Variants in CAMK1D observed in about 807,000 individuals in gnomAD.
CAMK1D encodes calcium/calmodulin dependent protein kinase ID.
CAMK1D carries 9 observed loss-of-function variants against 47.7 expected under a neutral mutation model. That is an observed-to-expected ratio of 0.19 (90% CI 0.11 to 0.33). The LOEUF (loss-of-function observed/expected upper bound fraction) is 0.33. Ranked by LOEUF, CAMK1D falls within the 10% of genes least tolerant of loss-of-function variation. The pLI is 1.00. For synonymous variants in CAMK1D, 184 were observed against 184.9 expected, an observed-to-expected ratio of 0.99 and a Z score of 0.04; for missense variants, 291 against 488.7, an observed-to-expected ratio of 0.60 and a Z score of 3.81.
chr10:12,648,393 G>A (rs923252262), intron 2 of CAMK1D, among the ~76,000 whole-genome samples: 1 of 152,200 alleles, frequency 6.6e-6, no homozygotes, highest in Non-Finnish European at 1.5e-5. Flanking sequence ...TCAGTGCTCC[G>A]CAGGGATATT....
chr10:12,610,514 C>G (rs181616154), intron 2 of CAMK1D, among the ~76,000 whole-genome samples: 1 of 152,106 alleles, frequency 6.6e-6, no homozygotes, highest in Non-Finnish European at 1.5e-5. Context: ...TCCACTTTGC[C>G]CAGCAGTAAG....
At chr10:12,802,648 G>A (rs1265325847) in intron 6 of CAMK1D, among the ~76,000 whole-genome samples, 1 of 152,120 alleles carries the variant, frequency 6.6e-6, no homozygotes, top group Non-Finnish European at 1.5e-5. Flanking sequence ...AGCCTCCCGA[G>A]TAGCTGAGAT....
intron 3 of CAMK1D, among the ~76,000 whole-genome samples, chr10:12,684,497 A>T (rs946148701): frequency 6.8e-6 from 1 of 147,866 alleles, no homozygotes; most frequent in African/African-American, 2.7e-5. Context: ...AACTAATTTA[A>T]AAAAAAATGT....
intron 2 of CAMK1D, among the ~76,000 whole-genome samples, chr10:12,663,351 G>C (rs954041118): frequency 3.3e-5 from 5 of 152,202 alleles, no homozygotes; most frequent in African/African-American, 1.2e-4. Flanking sequence ...CTGGACAAAT[G>C]AGTGATGATA....
At chr10:12,426,719 T>G (rs1840246246) in intron 1 of CAMK1D, among the ~76,000 whole-genome samples, 1 of 151,760 alleles carries the variant, frequency 6.6e-6, no homozygotes, top group Non-Finnish European at 1.5e-5. Flanking sequence ...CAGCTAATTT[T>G]TGTTGTTGTT....
At chr10:12,686,645 T>C (rs928508829) in intron 3 of CAMK1D, among the ~76,000 whole-genome samples, 1 of 152,134 alleles carries the variant, frequency 6.6e-6, no homozygotes, top group African/African-American at 2.4e-5. Context: ...TATTTATGGC[T>C]TAAAACAGAG....
intron 3 of CAMK1D, among the ~76,000 whole-genome samples, chr10:12,736,198 C>G (rs1324520665): frequency 1.3e-5 from 2 of 152,210 alleles, no homozygotes; most frequent in African/African-American, 4.8e-5. Context: ...GAAGACCATG[C>G]TCACTTGCCT....
intron 1 of CAMK1D, among the ~76,000 whole-genome samples, chr10:12,526,854 G>A (rs372254626): frequency 7.3e-4 from 109 of 148,850 alleles, no homozygotes; most frequent in African/African-American, 2.5e-3. Context: ...GGAGGTTGAG[G>A]CTGCAGTGAG....
chr10:12,688,761 C>T (rs1275714596), intron 3 of CAMK1D, among the ~76,000 whole-genome samples: 3 of 152,102 alleles, frequency 2.0e-5, no homozygotes, highest in Non-Finnish European at 2.9e-5. Flanking sequence ...CTCAGCTCAT[C>T]GCAACCTCTG....
intron 2 of CAMK1D, among the ~76,000 whole-genome samples, chr10:12,635,174 C>T (rs186031923): frequency 4.6e-5 from 7 of 151,986 alleles, no homozygotes; most frequent in African/African-American, 1.4e-4. Context: ...TTTGGGGGCT[C>T]GGGAGGCCTT....
intron 4 of CAMK1D, among the ~76,000 whole-genome samples, chr10:12,762,856 T>G (rs1018702298): frequency 2.0e-5 from 3 of 152,222 alleles, no homozygotes; most frequent in Admixed American, 2.0e-4. Flanking sequence ...CTCTGCTCTC[T>G]TGTGCCCCCA....
At chr10:12,512,377 A>G (rs1835065304) in intron 1 of CAMK1D, among the ~76,000 whole-genome samples, 2 of 152,170 alleles carry the variant, frequency 1.3e-5, no homozygotes, top group African/African-American at 4.8e-5. Context: ...CATCACCAGC[A>G]AAAACCTGCT....
chr10:12,542,049 A>AT (rs926399760), intron 1 of CAMK1D, among the ~76,000 whole-genome samples: 44 of 150,974 alleles, frequency 2.9e-4, no homozygotes, highest in African/African-American at 9.0e-4. Context: ...TAATTTTTGA[A>AT]TTTTTTTCTG....
intron 1 of CAMK1D, among the ~76,000 whole-genome samples, chr10:12,538,102 G>A (rs1428508987): frequency 6.6e-6 from 1 of 152,178 alleles, no homozygotes; most frequent in East Asian, 1.9e-4. Flanking sequence ...TGCGCACTGT[G>A]AGGCCCGTGG....
intron 6 of CAMK1D, among the ~76,000 whole-genome samples, chr10:12,812,583 T>G (rs1832649948): frequency 6.6e-6 from 1 of 152,030 alleles, no homozygotes; most frequent in Admixed American, 6.5e-5. Flanking sequence ...GCCATTGTGC[T>G]CCAGCCTGGG....
At chr10:12,380,202 G>A (rs771963292) in intron 1 of CAMK1D, among the ~76,000 whole-genome samples, 1 of 151,828 alleles carries the variant, frequency 6.6e-6, no homozygotes, top group African/African-American at 2.4e-5. Context: ...GTGACAGAGC[G>A]AGACTCTATC....
chr10:12,756,922 C>T (rs1836257304), intron 3 of CAMK1D, among the ~76,000 whole-genome samples: 1 of 152,148 alleles, frequency 6.6e-6, no homozygotes, highest in South Asian at 2.1e-4. Context: ...GACTCCGTCT[C>T]AAAATAAAAC....
At chr10:12,366,498 T>TA (rs11452864) in intron 1 of CAMK1D, among the ~76,000 whole-genome samples, 43,450 of 146,678 alleles carry the variant, frequency 0.3, 7,045 homozygotes, top group South Asian at 0.41. Context: ...CTACTAAAAA[T>TA]AAAAAAAAAA....
Position 12,590,279 on chromosome 10 carries a change from A to G in CAMK1D, c.224+36923A>G, listed in dbSNP as rs1445861212. On this transcript the variant is annotated intron_variant, in intron 2 of 10. Transcript: ENST00000619168. Reference sequence around the variant, plus strand: ...GTCTCCCAGGCTGGAGTGCAGTGGCACCATCATCGCCCACTGCAGCCTCGA... The same window carrying G: ...GTCTCCCAGGCTGGAGTGCAGTGGCGCCATCATCGCCCACTGCAGCCTCGA... Among the ~76,000 whole-genome samples, 4 of 152,064 alleles carry G rather than the reference A, an allele frequency of 2.6e-5. No individual in the cohort carries two copies. In the East Asian group the frequency reaches 7.7e-4, roughly 29 times the overall value.
Sources: gnomAD v4.1 joint callset for allele counts (sites outside exome capture counted in the v4.1 genomes callset) on GRCh38, gnomAD v4.1.1 for gene constraint, MANE v1.5 for transcripts, NCBI Gene and HGNC (gene_info 2026-07-23, HGNC 2026-07-21) for gene names.